CCDC177: variants seen among roughly 807,000 people sequenced by gnomAD.
The protein encoded by CCDC177 is coiled-coil domain-containing protein 177.
CCDC177 carries 2 observed loss-of-function variants against 7.3 expected under a neutral mutation model. The ratio of observed to expected loss-of-function variants is 0.28; its 90% CI spans 0.11 to 0.87. CCDC177 has a LOEUF of 0.87. Ranked by LOEUF, CCDC177 falls within the 40% of genes least tolerant of loss-of-function variation. The probability of loss-of-function intolerance (pLI) is 0.61; values close to 1 mark genes in which losing one functional copy is unlikely to be tolerated. For synonymous variants in CCDC177, 401 were observed against 449.2 expected, an observed-to-expected ratio of 0.89 and a Z score of 1.36; for missense variants, 874 against 970.5, an observed-to-expected ratio of 0.90 and a Z score of 1.32.
chr14:69,571,660 C>T lies in CCDC177; in HGVS notation c.1963G>A (p.Glu655Lys). 8.1e-7 allele frequency: 1 copy of T among 1,232,080 alleles called. No individual in the cohort carries two copies. The highest frequency in any genetic ancestry group is 1.0e-6 in the Non-Finnish European group (1 of 988,240). 76.3% of individuals were successfully genotyped at this position (1,232,080 alleles called of 1,614,324 possible). A position where few individuals can be genotyped will look rare whatever the true frequency, so the allele number is the denominator to read the frequency against. The change falls in exon 2 of 2, where the codon GAG becomes AAG. Residue 655 changes from glutamate (E) to lysine (K), a missense_variant. Transcript: ENST00000599174. ...CTGCGCCGTTCCCGCGTCAGCTGCT[C>T]GCTGCGCTCCAGCTTGCGCCCGATG... ...QAIGRKLERS[E>K]QLTRERRSAL... is the part of the protein sequence containing the mutation.
chr14:69,570,794 C>G lies in CCDC177; in HGVS notation c.*705G>C, dbSNP rs1884307243. On this transcript the variant is annotated 3_prime_UTR_variant, in exon 2 of 2. Coordinates refer to ENST00000599174, the MANE Select transcript of CCDC177 (RefSeq NM_001271507.2). ...CCAAACCAACCAATTTCCTGTGCCA[C>G]TTGGTAGAATGAGGGAGGGGGCAAA... The G allele has an allele frequency of 2.2e-6, 1 of 457,466 alleles. No homozygotes were observed. Among genetic ancestry groups the G allele is most frequent in the African/African-American group, 2.0e-5 (1 of 50,064 alleles). 28.3% of individuals were successfully genotyped at this position (457,466 alleles called of 1,614,324 possible).
chr14:69,570,187 C>T lies in CCDC177; in HGVS notation c.*1312G>A, dbSNP rs548040589. 1.3e-5 allele frequency: 2 copies of T among 153,102 alleles called. No individual in the cohort carries two copies. Among genetic ancestry groups the T allele is most frequent in the Admixed American group, 6.5e-5 (1 of 15,414 alleles). The allele number at this position is 153,102 out of a possible 1,614,324, so 9.5% of individuals were successfully genotyped here. ...GCTGACAGCAATCCTCCTGCCTCCCCCTCCAGGTCAAGAAAGGCACAAAAA... is the reference window on the plus strand; with the variant it reads ...GCTGACAGCAATCCTCCTGCCTCCCTCTCCAGGTCAAGAAAGGCACAAAAA... On this transcript the variant is annotated 3_prime_UTR_variant, in exon 2 of 2. Coordinates refer to ENST00000599174, the MANE Select transcript of CCDC177 (RefSeq NM_001271507.2).
At position 69,572,290 on chromosome 14, in the gene CCDC177, G is replaced by A; in HGVS notation, c.1333C>T (p.Arg445Cys). 8.1e-7 allele frequency: 1 copy of A among 1,228,136 alleles called. No homozygotes were observed. The highest frequency in any genetic ancestry group is 3.2e-5 in the East Asian group (1 of 31,466). 76.1% of individuals were successfully genotyped at this position (1,228,136 alleles called of 1,614,324 possible). A position where few individuals can be genotyped will look rare whatever the true frequency, so the allele number is the denominator to read the frequency against. Reference sequence around the variant, plus strand: ...CGCAGCCGATCCTCCCGGGCCGCGCGCTCCGCCCGCTCCCGCCGCAGGAGG... The same window carrying A: ...CGCAGCCGATCCTCCCGGGCCGCGCACTCCGCCCGCTCCCGCCGCAGGAGG... ...QGLLRRERAE[R>C]AAREDRLRKL... The change falls in exon 2 of 2, where the codon CGC becomes TGC. Residue 445 changes from arginine (R) to cysteine (C), a missense_variant. Coordinates refer to ENST00000599174, the MANE Select transcript of CCDC177 (RefSeq NM_001271507.2).
Position 69,571,348 on chromosome 14 carries a change from G to A in CCDC177, c.*151C>T. On this transcript the variant is annotated 3_prime_UTR_variant, in exon 2 of 2. Transcript: ENST00000599174. ...AAAAACAAAGGGGGCCAGCTGACAG[G>A]TCCCAAACGTCTGTACTGTTGTTGC... is the stretch of plus-strand genomic sequence containing the variant. 1.7e-6 allele frequency: 1 copy of A among 571,482 alleles called. No individual in the cohort carries two copies. The highest frequency in any genetic ancestry group is 2.8e-5 in the East Asian group (1 of 35,608). 35.4% of individuals were successfully genotyped at this position (571,482 alleles called of 1,614,324 possible). A position where few individuals can be genotyped will look rare whatever the true frequency, so the allele number is the denominator to read the frequency against.
Position 69,571,751 on chromosome 14 carries a change from G to T in CCDC177, c.1872C>A (p.Ala624=). 8.1e-7 allele frequency: 1 copy of T among 1,231,602 alleles called. No homozygotes were observed. Among genetic ancestry groups the T allele is most frequent in the Non-Finnish European group, 1.0e-6 (1 of 987,904 alleles). The allele number at this position is 1,231,602 out of a possible 1,614,324, so 76.3% of individuals were successfully genotyped here. A position where few individuals can be genotyped will look rare whatever the true frequency, so the allele number is the denominator to read the frequency against. The change falls in exon 2 of 2, where the codon GCC becomes GCA. Residue 624 remains alanine, a synonymous_variant. Transcript: ENST00000599174. ...VGQSRLEKER[A]QRANKEKVER... ...CCACCTTCTCCTTGTTGGCGCGCTG[G>T]GCTCGTTCCTTCTCCAGCCGGCTCT...
Position 69,572,622 on chromosome 14 carries a change from A to T in CCDC177, c.1001T>A (p.Val334Glu). Residue 334 changes from valine (V) to glutamate (E), a missense_variant, in exon 2 of 2, where the codon GTG (valine) becomes GAG (glutamate). Physicochemically the swap from Val to Glu is moderately radical, Grantham distance 121 (BLOSUM62 -2). Coordinates refer to ENST00000599174, the MANE Select transcript of CCDC177 (RefSeq NM_001271507.2). The part of the protein sequence containing the change: ...QVRAERGLRG[V>E]PERDRKIAAL... ...CGCGATCTTCCGGTCACGCTCCGGCACCCCGCGCAGGCCGCGCTCTGCACG... is the reference window on the plus strand; with the variant it reads ...CGCGATCTTCCGGTCACGCTCCGGCTCCCCGCGCAGGCCGCGCTCTGCACG... 1 of 1,231,134 alleles carries T rather than the reference A, an allele frequency of 8.1e-7. No homozygotes were observed. The allele number at this position is 1,231,134 out of a possible 1,614,324, so 76.3% of individuals were successfully genotyped here.
Position 69,573,440 on chromosome 14 carries a change from T to G in CCDC177, c.183A>C (p.Ala61=), listed in dbSNP as rs1595013105. 8.1e-7 allele frequency: 1 copy of G among 1,230,692 alleles called. No homozygotes were observed. The highest frequency in any genetic ancestry group is 1.6e-5 in the African/African-American group (1 of 64,392). 76.2% of individuals were successfully genotyped at this position (1,230,692 alleles called of 1,614,324 possible). The change falls in exon 2 of 2, where the codon GCA becomes GCC. Residue 61 remains alanine (A), a synonymous_variant. Transcript: ENST00000599174. The part of the protein sequence containing the change: ...PRKAEVPCAA[A]EGGRREQSPL... The stretch of plus-strand genomic sequence containing the variant: ...GGGACTGCTCCCGCCGCCCGCCTTC[T>G]GCGGCTGCACATGGGACTTCTGCCT...
chr14:69,573,497 G>A lies in CCDC177; in HGVS notation c.126C>T (p.Ala42=). Residue 42 remains alanine (A), a synonymous_variant, in exon 2 of 2, where the codon GCC becomes GCT. Transcript: ENST00000599174. The stretch of plus-strand genomic sequence containing the variant: ...GCACCGCCGCGGAGGCCGAGGCCGA[G>A]GCCGAGGAAGCTGCGGGCTCCTGTG... ...QGAQEPAASS[A]SASASAAVPR... 8.1e-7 allele frequency: 1 copy of A among 1,231,412 alleles called. No individual in the cohort carries two copies. 76.3% of individuals were successfully genotyped at this position (1,231,412 alleles called of 1,614,324 possible). A position where few individuals can be genotyped will look rare whatever the true frequency, so the allele number is the denominator to read the frequency against.
Position 69,570,527 on chromosome 14 carries a change from C to A in CCDC177, c.*972G>T. 3.1e-6 allele frequency: 1 copy of A among 325,512 alleles called. No individual in the cohort carries two copies. Among genetic ancestry groups the A allele is most frequent in the Non-Finnish European group, 6.1e-6 (1 of 165,174 alleles). The allele number at this position is 325,512 out of a possible 1,614,324, so 20.2% of individuals were successfully genotyped here. Reference sequence around the variant, plus strand: ...CAGAGAAGTAGAGATGATTCCTTCACAGAGGGAATCCTACACTCCAAACTC... The same window carrying A: ...CAGAGAAGTAGAGATGATTCCTTCAAAGAGGGAATCCTACACTCCAAACTC... On this transcript the variant is annotated 3_prime_UTR_variant, in exon 2 of 2. Coordinates refer to ENST00000599174, the MANE Select transcript of CCDC177 (RefSeq NM_001271507.2).
rs1884317666 is a variant in CCDC177 at position 69,571,245 on chromosome 14, T to C, written c.*254A>G. ...CAGCCCAAGAGACACATAGGGAAGT[T>C]TGGCAAGGGTCGGTGCGGGAGCCAT... is the stretch of plus-strand genomic sequence containing the variant. On this transcript the variant is annotated 3_prime_UTR_variant, in exon 2 of 2. Coordinates refer to ENST00000599174, the MANE Select transcript of CCDC177 (RefSeq NM_001271507.2). 2 of 584,678 alleles carry C rather than the reference T, an allele frequency of 3.4e-6. No individual in the cohort carries two copies. The highest frequency in any genetic ancestry group is 6.1e-6 in the Non-Finnish European group (2 of 328,464). The allele number at this position is 584,678 out of a possible 1,614,324, so 36.2% of individuals were successfully genotyped here.
rs114497606 is a variant in CCDC177, at chr14:69,570,562, C to G, written c.*937G>C. 6.9e-4 allele frequency: 241 copies of G among 350,842 alleles called. 1 individual carries two copies. Among genetic ancestry groups the G allele is most frequent in the African/African-American group, 5.0e-3 (234 of 46,750 alleles). 21.7% of individuals were successfully genotyped at this position (350,842 alleles called of 1,614,324 possible). Reference sequence around the variant, plus strand: ...CCTACACTCCAAACTCTCTGGGGCCCACCCTTGAGACGGCATGCAGGGCTG... The same window carrying G: ...CCTACACTCCAAACTCTCTGGGGCCGACCCTTGAGACGGCATGCAGGGCTG... On this transcript the variant is annotated 3_prime_UTR_variant, in exon 2 of 2. Transcript: ENST00000599174.
chr14:69,572,655 C>T lies in CCDC177; in HGVS notation c.968G>A (p.Arg323His). The change falls in exon 2 of 2, where the codon CGT becomes CAT. Residue 323 changes from arginine to histidine, a missense_variant. Transcript: ENST00000599174. The part of the protein sequence containing the change: ...QTAQHVERIV[R>H]QVRAERGLRG... ...CAGGCCGCGCTCTGCACGCACTTGACGCACGATGCGCTCCACGTGCTGAGC... is the reference window on the plus strand; with the variant it reads ...CAGGCCGCGCTCTGCACGCACTTGATGCACGATGCGCTCCACGTGCTGAGC... The T allele has an allele frequency of 8.1e-7, 1 of 1,231,344 alleles. No individual in the cohort carries two copies. The highest frequency in any genetic ancestry group is 1.0e-6 in the Non-Finnish European group (1 of 987,652). The allele number at this position is 1,231,344 out of a possible 1,614,324, so 76.3% of individuals were successfully genotyped here.
rs1884329752 is a variant in CCDC177 at position 69,571,791 on chromosome 14, G to A, written c.1832C>T (p.Ala611Val). 1 of 1,231,566 alleles carries A rather than the reference G, an allele frequency of 8.1e-7. No homozygotes were observed. Among genetic ancestry groups the A allele is most frequent in the Non-Finnish European group, 1.0e-6 (1 of 987,884 alleles). 76.3% of individuals were successfully genotyped at this position (1,231,566 alleles called of 1,614,324 possible). ...QVAEEAVQQK[A>V]RRVGQSRLEK... ...CAGCCGGCTCTGGCCCACGCGCCGCGCCTTCTGCTGCACTGCTTCCTCGGC... is the reference window on the plus strand; with the variant it reads ...CAGCCGGCTCTGGCCCACGCGCCGCACCTTCTGCTGCACTGCTTCCTCGGC... Residue 611 changes from alanine (A) to valine (V), a missense_variant, in exon 2 of 2, where the codon GCG (alanine) becomes GTG (valine). Transcript: ENST00000599174.
Position 69,572,353 on chromosome 14 carries a change from T to G in CCDC177, c.1270A>C (p.Ser424Arg). ...ARRRQRQYER[S>R]EERRRELAER... The stretch of plus-strand genomic sequence containing the variant: ...GCCAGCTCCCGCCGCCGCTCCTCGC[T>G]GCGCTCGTACTGCCGCTGCCGCCGC... The change falls in exon 2 of 2, where the codon AGC (serine) becomes CGC (arginine). Residue 424 changes from serine (S) to arginine (R), a missense_variant. Coordinates refer to ENST00000599174, the MANE Select transcript of CCDC177 (RefSeq NM_001271507.2). 8.2e-7 allele frequency: 1 copy of G among 1,223,704 alleles called. No individual in the cohort carries two copies. Among genetic ancestry groups the G allele is most frequent in the Non-Finnish European group, 1.0e-6 (1 of 983,034 alleles). 75.8% of individuals were successfully genotyped at this position (1,223,704 alleles called of 1,614,324 possible).
At position 69,573,421 on chromosome 14, in the gene CCDC177, G is replaced by T; in HGVS notation, c.202C>A (p.Gln68Lys). 5 of 1,231,416 alleles carry T rather than the reference G, an allele frequency of 4.1e-6. No homozygotes were observed. Among genetic ancestry groups the T allele is most frequent in the Non-Finnish European group, 5.1e-6 (5 of 987,782 alleles). The allele number at this position is 1,231,416 out of a possible 1,614,324, so 76.3% of individuals were successfully genotyped here. A position where few individuals can be genotyped will look rare whatever the true frequency, so the allele number is the denominator to read the frequency against. The change falls in exon 2 of 2, where the codon CAG (glutamine) becomes AAG (lysine). Residue 68 changes from glutamine to lysine, a missense_variant. Coordinates refer to ENST00000599174, the MANE Select transcript of CCDC177 (RefSeq NM_001271507.2). ...CAAAEGGRRE[Q>K]SPLLHLDLFN... is the part of the protein sequence containing the mutation. ...AGGTCGAGGTGCAGCAGCGGGGACT[G>T]CTCCCGCCGCCCGCCTTCTGCGGCT...
intron 1 of CCDC177, 65 bp from the exon 2 acceptor site, chr14:69,573,715 A>AGTC: frequency 1.7e-6 from 2 of 1,207,966 alleles, no homozygotes; most frequent in Non-Finnish European, 2.1e-6. Context: ...CCTCATCCAT[A>AGTC]GTCACCCCAT....
chr14:69,571,338 C>T lies in CCDC177; in HGVS notation c.*161G>A. On this transcript the variant is annotated 3_prime_UTR_variant, in exon 2 of 2. Transcript: ENST00000599174. Reference sequence around the variant, plus strand: ...AGTAAGTTTTAAAAACAAAGGGGGCCAGCTGACAGGTCCCAAACGTCTGTA... The same window carrying T: ...AGTAAGTTTTAAAAACAAAGGGGGCTAGCTGACAGGTCCCAAACGTCTGTA... 1.8e-6 allele frequency: 1 copy of T among 558,270 alleles called. No individual in the cohort carries two copies. The highest frequency in any genetic ancestry group is 3.1e-6 in the Non-Finnish European group (1 of 325,210). The allele number at this position is 558,270 out of a possible 1,614,324, so 34.6% of individuals were successfully genotyped here. A position where few individuals can be genotyped will look rare whatever the true frequency, so the allele number is the denominator to read the frequency against.
chr14:69,572,897 G>T lies in CCDC177; in HGVS notation c.726C>A (p.Gly242=), dbSNP rs1357004627. 3 of 1,230,830 alleles carry T rather than the reference G, an allele frequency of 2.4e-6. No individual in the cohort carries two copies. Among genetic ancestry groups the T allele is most frequent in the Non-Finnish European group, 3.0e-6 (3 of 987,486 alleles). 76.2% of individuals were successfully genotyped at this position (1,230,830 alleles called of 1,614,324 possible). ...ATGCGCCCGACTCGGAGCTGAGGGC[G>T]CCCTCACGCCGGCGGGACAGTGAGT... The part of the protein sequence containing the change: ...SLDSLSRRRE[G]ALSSESGASS... Residue 242 remains glycine (G), a synonymous_variant, in exon 2 of 2, where the codon GGC becomes GGA. Coordinates refer to ENST00000599174, the MANE Select transcript of CCDC177 (RefSeq NM_001271507.2).
Position 69,572,580 on chromosome 14 carries a change from C to A in CCDC177, c.1043G>T (p.Arg348Leu). 9.7e-6 allele frequency: 12 copies of A among 1,231,194 alleles called. No homozygotes were observed. The highest frequency in any genetic ancestry group is 1.2e-5 in the Non-Finnish European group (12 of 987,574). 76.3% of individuals were successfully genotyped at this position (1,231,194 alleles called of 1,614,324 possible). A position where few individuals can be genotyped will look rare whatever the true frequency, so the allele number is the denominator to read the frequency against. The change falls in exon 2 of 2, where the codon CGG (arginine) becomes CTG (leucine). Residue 348 changes from arginine to leucine, a missense_variant. By Grantham distance (102) the Arg-to-Leu change is moderately radical. Coordinates refer to ENST00000599174, the MANE Select transcript of CCDC177 (RefSeq NM_001271507.2). Reference protein sequence around the residue: ...DRKIAALMLARHQEELLLLEQ... With the variant: ...DRKIAALMLALHQEELLLLEQ... ...CAGCAGCAGGAGCTCCTCCTGGTGCCGCGCCAGCATGAGCGCCGCGATCTT... is the reference window on the plus strand; with the variant it reads ...CAGCAGCAGGAGCTCCTCCTGGTGCAGCGCCAGCATGAGCGCCGCGATCTT...
Sources: allele counts gnomAD v4.1 joint callset, GRCh38; gene constraint gnomAD v4.1.1; transcripts MANE v1.5; gene names NCBI Gene and HGNC (gene_info 2026-07-23, HGNC 2026-07-21).